The following FAM171A2 variants were observed in gnomAD, a reference collection of about 807,000 sequenced individuals.
FAM171A2 encodes the protein protein FAM171A2.
FAM171A2 carries 13 observed loss-of-function variants against 34.2 expected under a neutral mutation model. That is an observed-to-expected ratio of 0.38 (90% CI 0.25 to 0.60). FAM171A2 has a LOEUF of 0.60. Among genes scored for constraint, FAM171A2 ranks in the 20% least tolerant of loss-of-function variants. The pLI is 0.62. For synonymous variants in FAM171A2, 475 were observed against 561.2 expected, an observed-to-expected ratio of 0.85 and a Z score of 2.17; for missense variants, 950 against 1,180.7, an observed-to-expected ratio of 0.80 and a Z score of 2.86.
chr17:44,361,556 C>A (rs1394830976), intron 1 of FAM171A2, among the ~76,000 whole-genome samples: 1 of 152,122 alleles, frequency 6.6e-6, no homozygotes, highest in African/African-American at 2.4e-5. Context: ...CCGCAGCCAG[C>A]GCCACGCCTG....
At chr17:44,357,730 C>CGCGTGTGTGTGTGTGT (rs2048430674) in intron 3 of FAM171A2, among the ~76,000 whole-genome samples, 1 of 143,266 alleles carries the variant, frequency 7.0e-6, no homozygotes, top group Non-Finnish European at 1.5e-5. Context: ...CAGTTTAGGT[C>CGCGTGTGTGTGTGTGT]GTGTGTGTGT....
chr17:44,359,427 C>T (rs991452091), intron 3 of FAM171A2, 152 bp downstream of exon 3: 2 of 645,980 alleles, frequency 3.1e-6, no homozygotes, highest in African/African-American at 3.6e-5. Flanking sequence ...GATGTAGGCA[C>T]TAACCTTCCA....
intron 1 of FAM171A2, among the ~76,000 whole-genome samples, chr17:44,362,594 T>G (rs2048452365): frequency 1.3e-5 from 2 of 152,192 alleles, no homozygotes; most frequent in Admixed American, 1.3e-4. Flanking sequence ...GACTCAGGAC[T>G]GGAGTGGGCG....
Position 44,355,251 on chromosome 17 carries a change from G to A in FAM171A2, c.1023-60C>T, listed in dbSNP as rs1469980490. On this transcript the variant is annotated intron_variant, in intron 7 of 7. Coordinates refer to ENST00000293443, the MANE Select transcript of FAM171A2 (RefSeq NM_198475.3). The surrounding 1 kb of genome is among the most constrained non-coding windows in gnomAD (Gnocchi z 4.1). Reference sequence around the variant, plus strand: ...AAGGGTGAGGGCCAAAGTAGGCCCCGAACCCCCTTAGATGCAAGACAAGAG... The same window carrying A: ...AAGGGTGAGGGCCAAAGTAGGCCCCAAACCCCCTTAGATGCAAGACAAGAG... The A allele has an allele frequency of 1.0e-5, 16 of 1,533,202 alleles. No homozygotes were observed. Among genetic ancestry groups the A allele is most frequent in the African/African-American group, 5.5e-5 (4 of 72,222 alleles). 95.0% of individuals were successfully genotyped at this position (1,533,202 alleles called of 1,614,324 possible).
chr17:44,357,053 A>G (rs545053485), intron 3 of FAM171A2, among the ~76,000 whole-genome samples: 2 of 152,310 alleles, frequency 1.3e-5, no homozygotes, highest in East Asian at 3.9e-4. Context: ...TAAAAATGTA[A>G]TGATTTTTTT....
Position 44,356,281 on chromosome 17 carries a change from C to A in FAM171A2, c.670G>T (p.Glu224Ter). Residue 224 changes from glutamate to a stop codon, truncating the protein, a stop_gained, in exon 5 of 8, where the codon GAG (glutamate) becomes TAG (stop). Transcript: ENST00000293443. LOFTEE classifies it high-confidence loss of function. The part of the protein sequence containing the change: ...SVHLLTGNGT[E>*]VPLSGPIHLS... ...TGAATGGGGCCTGAGAGCGGCACCT[C>A]TGTCCCATTACCTGTCAGCAGGTGC... 6.4e-7 allele frequency: 1 copy of A among 1,551,272 alleles called. No individual in the cohort carries two copies. Among genetic ancestry groups the A allele is most frequent in the Non-Finnish European group, 8.7e-7 (1 of 1,146,814 alleles).
intron 1 of FAM171A2, among the ~76,000 whole-genome samples, chr17:44,361,664 T>C (rs1304488586): frequency 1.3e-5 from 2 of 152,194 alleles, no homozygotes; most frequent in African/African-American, 4.8e-5. Flanking sequence ...TCACTCTCGC[T>C]CTCTGCTCCT....
chr17:44,362,989 C>T (rs1439652233), intron 1 of FAM171A2, among the ~76,000 whole-genome samples: 1 of 152,218 alleles, frequency 6.6e-6, no homozygotes, highest in South Asian at 2.1e-4. Context: ...CATAGGCTCA[C>T]AAGCATTTAT....
chr17:44,353,748 C>A lies in FAM171A2; in HGVS notation c.2466G>T (p.Val822=). Reference sequence around the variant, plus strand: ...TGCGCGGGCGCTACTTGACGTTGAACACCATCAGCGGCCGCTCCTCCCGCC... The same window carrying A: ...TGCGCGGGCGCTACTTGACGTTGAAAACCATCAGCGGCCGCTCCTCCCGCC... ...WQRREERPLM[V]FNVK The change falls in exon 8 of 8, where the codon GTG becomes GTT. Residue 822 remains valine, a synonymous_variant. Coordinates refer to ENST00000293443, the MANE Select transcript of FAM171A2 (RefSeq NM_198475.3). The A allele has an allele frequency of 7.0e-7, 1 of 1,426,374 alleles. No homozygotes were observed. The highest frequency in any genetic ancestry group is 9.2e-7 in the Non-Finnish European group (1 of 1,089,532). The allele number at this position is 1,426,374 out of a possible 1,614,324, so 88.4% of individuals were successfully genotyped here.
In FAM171A2 at chr17:44,353,838, G is replaced by T; in HGVS notation, c.2376C>A (p.Ser792Arg). Residue 792 changes from serine to arginine, a missense_variant, in exon 8 of 8, where the codon AGC becomes AGA. Coordinates refer to ENST00000293443, the MANE Select transcript of FAM171A2 (RefSeq NM_198475.3). ...ASELRRDSLT[S>R]PEDELGAEVG... is the part of the protein sequence containing the mutation. ...CCTCCGCCCCCAGCTCGTCCTCCGG[G>T]CTGGTGAGCGAGTCGCGCCGCAGCT... 2 of 1,404,584 alleles carry T rather than the reference G, an allele frequency of 1.4e-6. No individual in the cohort carries two copies. The highest frequency in any genetic ancestry group is 1.5e-5 in the African/African-American group (1 of 66,274). The allele number at this position is 1,404,584 out of a possible 1,614,324, so 87.0% of individuals were successfully genotyped here. A position where few individuals can be genotyped will look rare whatever the true frequency, so the allele number is the denominator to read the frequency against.
intron 2 of FAM171A2, 45 bp from the exon 3 acceptor site, chr17:44,359,716 AC>A (rs1427806221): frequency 3.6e-5 from 42 of 1,155,672 alleles, no homozygotes; most frequent in Middle Eastern, 3.0e-4. Context: ...CCCACCCCCT[AC>A]CCCCCAGCCA....
chr17:44,356,717 T>C (rs1338873796), intron 3 of FAM171A2, 129 bp from the exon 4 acceptor site: 1 of 1,022,150 alleles, frequency 9.8e-7, no homozygotes, highest in Non-Finnish European at 1.4e-6. Flanking sequence ...GGGAGGGTGA[T>C]GCCTTGGGGA....
chr17:44,353,942 C>CCG lies in FAM171A2; in HGVS notation c.2270_2271dup (p.Ala758ArgfsTer64). On this transcript the variant is annotated frameshift_variant, in exon 8 of 8. Coordinates refer to ENST00000293443, the MANE Select transcript of FAM171A2 (RefSeq NM_198475.3). LOFTEE classifies it low-confidence loss of function (END_TRUNC). ...ACCGTGGCCGCCCGGCCCTCGGGCG[C>CCG]CGCCACCTCGTCCAGCAGCGGCGTC... is the stretch of plus-strand genomic sequence containing the variant. 7.7e-7 allele frequency: 1 copy of CCG among 1,296,564 alleles called. No individual in the cohort carries two copies. The highest frequency in any genetic ancestry group is 9.7e-7 in the Non-Finnish European group (1 of 1,027,162). The allele number at this position is 1,296,564 out of a possible 1,614,324, so 80.3% of individuals were successfully genotyped here.
Position 44,355,462 on chromosome 17 carries a change from GGA to G in FAM171A2, c.1022+251_1022+252del, listed in dbSNP as rs1420736806. On this transcript the variant is annotated intron_variant, in intron 7 of 7. Transcript: ENST00000293443. The surrounding 1 kb of genome is among the most constrained non-coding windows in gnomAD (Gnocchi z 4.1). ...GGTGTGTCCGGCCTGGAGTCCTCTG[GGA>G]GAGAGAGCTGGGCTGGTAGGGGCAG... Among the ~76,000 whole-genome samples the G allele has an allele frequency of 1.3e-5, 2 of 152,208 alleles. No individual in the cohort carries two copies. Among genetic ancestry groups the G allele is most frequent in the African/African-American group, 2.4e-5 (1 of 41,452 alleles).
Position 44,357,730 on chromosome 17 carries a change from C to CGTGTGTGTGTGTGTGTGTGTGTGTGTGT in FAM171A2, c.440-1170_440-1143dup, listed in dbSNP as rs141824631. On this transcript the variant is annotated intron_variant, in intron 3 of 7. Transcript: ENST00000293443. ...GGCTACTGCATTAGACAGTTTAGGT[C>CGTGTGTGTGTGTGTGTGTGTGTGTGTGT]GTGTGTGTGTGTGTGTGTGTGTGTG... Among the ~76,000 whole-genome samples, 339 of 143,312 alleles carry CGTGTGTGTGTGTGTGTGTGTGTGTGTGT rather than the reference C, an allele frequency of 2.4e-3. 3 individuals carry two copies. The highest frequency in any genetic ancestry group is 6.9e-3 in the East Asian group (34 of 4,904). The allele number at this position is 143,312 out of a possible 152,430, so 94.0% of individuals were successfully genotyped here. A position where few individuals can be genotyped will look rare whatever the true frequency, so the allele number is the denominator to read the frequency against.
Position 44,360,031 on chromosome 17 carries a change from T to C in FAM171A2, c.220A>G (p.Thr74Ala). ...GTGGCCACACCCTCTGAGTCTGTGG[T>C]GCCAGCTGCCAGCAGAGTCCGGTTC... ...FGNRTLLAAGTTDSEGVATLP... is the reference protein window; with the variant it reads ...FGNRTLLAAGATDSEGVATLP... Residue 74 changes from threonine (T) to alanine (A), a missense_variant, in exon 2 of 8, where the codon ACC becomes GCC. Transcript: ENST00000293443. The C allele has an allele frequency of 6.4e-7, 1 of 1,551,710 alleles. No individual in the cohort carries two copies. The highest frequency in any genetic ancestry group is 1.2e-5 in the South Asian group (1 of 84,062).
chr17:44,353,815 T>C lies in FAM171A2; in HGVS notation c.2399A>G (p.Glu800Gly). 7.0e-7 allele frequency: 1 copy of C among 1,425,512 alleles called. No individual in the cohort carries two copies. Among genetic ancestry groups the C allele is most frequent in the Non-Finnish European group, 9.2e-7 (1 of 1,090,570 alleles). The allele number at this position is 1,425,512 out of a possible 1,614,324, so 88.3% of individuals were successfully genotyped here. Residue 800 changes from glutamate (E) to glycine (G), a missense_variant, in exon 8 of 8, where the codon GAG (glutamate) becomes GGG (glycine). Physicochemically the swap from Glu to Gly is moderately conservative, Grantham distance 98 (BLOSUM62 -2). This residue lies in a region of FAM171A2 where 191 missense variants were observed against 222.8 expected (regional missense o/e 0.86). Transcript: ENST00000293443. ...CTTGTCTCCCGCCTCGTCGCCCACC[T>C]CCGCCCCCAGCTCGTCCTCCGGGCT... ...LTSPEDELGA[E>G]VGDEAGDKKS...
chr17:44,363,486 G>A, intron 1 of FAM171A2, 111 bp downstream of exon 1: 1 of 454,496 alleles, frequency 2.2e-6, no homozygotes, highest in Non-Finnish European at 3.5e-6. Context: ...CCCGAATCCA[G>A]GGAACAGAAT....
chr17:44,362,331 G>C (rs1295258667), intron 1 of FAM171A2, among the ~76,000 whole-genome samples: 1 of 152,088 alleles, frequency 6.6e-6, no homozygotes, highest in Non-Finnish European at 1.5e-5. Flanking sequence ...GGGAGACTGA[G>C]GCAGAGGGTG....
Sources: allele counts gnomAD v4.1 joint callset (sites outside exome capture counted in the v4.1 genomes callset), GRCh38; gene constraint gnomAD v4.1.1; regional missense constraint gnomAD v4.1.1; non-coding constraint Gnocchi (gnomAD v3.1); transcripts MANE v1.5; gene names NCBI Gene and HGNC (gene_info 2026-07-23, HGNC 2026-07-21).